The following OASL variants were observed in gnomAD, a reference collection of about 807,000 sequenced individuals.
OASL encodes the protein 2'-5'-oligoadenylate synthase-like protein.
A neutral mutation model predicts 35.3 loss-of-function variants in OASL; 28 were observed. That is an observed-to-expected ratio of 0.79 (90% CI 0.59 to 1.09). The LOEUF is 1.09. Among genes scored for constraint, OASL ranks in the 50% least tolerant of loss-of-function variants. OASL has a pLI of 0.00. For synonymous variants in OASL, 252 were observed against 254.6 expected (o/e 0.99, Z 0.10); for missense variants, 620 against 635.2 (o/e 0.98, Z 0.26).
At chr12:121,025,624 T>C (rs762836947) in intron 4 of OASL, among the ~76,000 whole-genome samples, 8 of 151,882 alleles carry the variant, frequency 5.3e-5, no homozygotes, top group Non-Finnish European at 8.8e-5. Context: ...AATTAGGGCA[T>C]GGCGGCAGGC....
chr12:121,037,308 G>C (rs77391054), intron 1 of OASL, among the ~76,000 whole-genome samples: 1 of 151,976 alleles, frequency 6.6e-6, no homozygotes, highest in Non-Finnish European at 1.5e-5. Flanking sequence ...TTCTAGCTCC[G>C]ACCCTCTTGA....
intron 2 of OASL, among the ~76,000 whole-genome samples, chr12:121,032,936 G>GT (rs1265247495): frequency 6.6e-6 from 1 of 151,302 alleles, no homozygotes; most frequent in Non-Finnish European, 1.5e-5. Flanking sequence ...TTTGTTTTTT[G>GT]TTTTTTTGAG....
At chr12:121,025,111 G>A (rs545340966) in intron 4 of OASL, among the ~76,000 whole-genome samples, 2 of 151,392 alleles carry the variant, frequency 1.3e-5, no homozygotes, top group Non-Finnish European at 2.9e-5. Context: ...CTGAGTAGCT[G>A]GGATTACAGG....
At chr12:121,038,540 T>A (rs150017232) in intron 1 of OASL, among the ~76,000 whole-genome samples, 3 of 152,270 alleles carry the variant, frequency 2.0e-5, no homozygotes, top group Non-Finnish European at 4.4e-5. Context: ...TTAGAGATAG[T>A]GTATGTTAAG....
downstream of OASL, among the ~76,000 whole-genome samples, chr12:121,018,248 G>C (rs140870779): frequency 3.9e-5 from 6 of 152,118 alleles, no homozygotes; most frequent in Non-Finnish European, 5.9e-5. Flanking sequence ...TTAAAATGGC[G>C]TCAGCACCAA....
chr12:121,028,361 TC>T (rs1238775045), intron 3 of OASL, among the ~76,000 whole-genome samples: 1 of 152,094 alleles, frequency 6.6e-6, no homozygotes. Context: ...CATAAACCTT[TC>T]CCCCTTGCAA....
chr12:121,033,628 A>G, exon 2 of OASL: 1 of 1,614,214 alleles, frequency 6.2e-7, no homozygotes, highest in South Asian at 1.1e-5. Context: ...TATCAGCCTC[A>G]GAACATCTTT....
rs977479287 is a variant in OASL at position 121,028,344 on chromosome 12, C to T, written c.658-527G>A. 2.6e-5 allele frequency among the ~76,000 whole-genome samples: 4 copies of T among 152,204 alleles called. No homozygotes were observed. In the East Asian group the frequency reaches 5.8e-4, roughly 22 times the overall value. ...AGGATGGGCCCTGACTGGCACAGTC[C>T]TATCAGCATAAACCTTTCCCCCTTG... On this transcript the variant is annotated intron_variant, in intron 3 of 5. Coordinates refer to ENST00000257570, the Ensembl canonical transcript of OASL.
intron 1 of OASL, among the ~76,000 whole-genome samples, chr12:121,035,967 C>T (rs1037055967): frequency 6.6e-6 from 1 of 152,248 alleles, no homozygotes; most frequent in Non-Finnish European, 1.5e-5. Context: ...AAGCAATCCT[C>T]CCACCTCAGC....
rs760441847 is a variant in OASL at position 121,020,901 on chromosome 12, C to T, written c.1205G>A (p.Ser402Asn). The change falls in exon 6 of 6, where the codon AGT becomes AAT. Residue 402 changes from serine to asparagine, a missense_variant. By Grantham distance (46) the Ser-to-Asn change is conservative. Coordinates refer to ENST00000257570, the Ensembl canonical transcript of OASL. ...CCTGCTGCTGAGAAGCTGCCTCTCA[C>T]TGCCAGGAACCTGGAAGGACAGACG... The T allele has an allele frequency of 2.2e-5, 35 of 1,614,096 alleles. No homozygotes were observed. In the South Asian group the frequency reaches 2.5e-4, roughly 12 times the overall value.
chr12:121,023,010 A>T (rs1273700604), intron 5 of OASL, among the ~76,000 whole-genome samples: 1 of 152,184 alleles, frequency 6.6e-6, no homozygotes, highest in Non-Finnish European at 1.5e-5. Flanking sequence ...ACTTTACAGA[A>T]TTGCTTATGA....
At chr12:121,038,782 CCTT>C (rs759860850) in exon 1 of OASL, 1 of 1,614,070 alleles carries the variant, frequency 6.2e-7, no homozygotes, top group East Asian at 2.2e-5. Context: ...ACCTTGACTA[CCTT>C]CAGCACCCGC....
At chr12:121,027,903 A>G (rs1487150144) in intron 3 of OASL, 86 bp from the exon 4 acceptor site, 2 of 1,179,454 alleles carry the variant, frequency 1.7e-6, no homozygotes, top group Non-Finnish European at 2.5e-6. Context: ...GAGAAATCCA[A>G]GTTCTAGTCC....
At chr12:121,030,922 G>GGTT (rs1431478866) in intron 3 of OASL, among the ~76,000 whole-genome samples, 29 of 151,948 alleles carry the variant, frequency 1.9e-4, no homozygotes, top group Non-Finnish European at 3.4e-4. Context: ...GATCGCTTGA[G>GGTT]ACCACTTCGA....
At chr12:121,019,136 T>G (rs1225691717) in exon 6 of OASL, 2 of 152,158 alleles carry the variant, frequency 1.3e-5, no homozygotes, top group Non-Finnish European at 2.9e-5. Context: ...TTTTTTTTAT[T>G]TTAAACAAGA....
intron 5 of OASL, among the ~76,000 whole-genome samples, chr12:121,022,285 C>T (rs1869276445): frequency 6.6e-6 from 1 of 152,078 alleles, no homozygotes; most frequent in African/African-American, 2.4e-5. Context: ...TGAGGTTTTA[C>T]CATGTTGGCC....
intron 1 of OASL, 75 bp downstream of exon 1, chr12:121,038,699 C>A: frequency 6.7e-7 from 1 of 1,481,698 alleles, no homozygotes; most frequent in Non-Finnish European, 9.4e-7. Flanking sequence ...GGACAGGGGT[C>A]CCCAGCATCC....
At chr12:121,033,466 G>T in exon 2 of OASL, 3 of 1,608,732 alleles carry the variant, frequency 1.9e-6, no homozygotes, top group Non-Finnish European at 1.7e-6. Context: ...CTTACCCAGG[G>T]CTCTGTAGGC....
At chr12:121,018,665 G>C (rs146651774), downstream of OASL, among the ~76,000 whole-genome samples, 5 of 151,612 alleles carry the variant, frequency 3.3e-5, no homozygotes, top group African/African-American at 9.7e-5. Context: ...TCAGGAGTTC[G>C]AGACTAGCCT....
Sources: allele counts gnomAD v4.1 joint callset (sites outside exome capture counted in the v4.1 genomes callset), GRCh38; gene constraint gnomAD v4.1.1; transcripts MANE v1.5; gene names NCBI Gene and HGNC (gene_info 2026-07-23, HGNC 2026-07-21).